NPFFR2: variants seen among roughly 807,000 people sequenced by gnomAD.
NPFFR2 encodes neuropeptide FF receptor 2.
A neutral mutation model predicts 13.1 loss-of-function variants in NPFFR2; 15 were observed. The ratio of observed to expected loss-of-function variants is 1.15; its 90% CI spans 0.77 to 1.76. NPFFR2 has a LOEUF of 1.76. NPFFR2 is among the 40% of genes most tolerant of loss of function. NPFFR2 has a pLI of 0.00. For synonymous variants in NPFFR2, 190 were observed against 175.7 expected, an observed-to-expected ratio of 1.08 and a Z score of -0.65; for missense variants, 572 against 503.5, an observed-to-expected ratio of 1.14 and a Z score of -1.30.
At chr4:72,140,814 T>C (rs1245297541) in intron 3 of NPFFR2, among the ~76,000 whole-genome samples, 1 of 152,186 alleles carries the variant, frequency 6.6e-6, no homozygotes, top group Non-Finnish European at 1.5e-5. Flanking sequence ...TTTCTATTGA[T>C]TGGAATAGTT....
intron 1 of NPFFR2, among the ~76,000 whole-genome samples, chr4:72,063,440 G>T (rs1719978939): frequency 6.6e-6 from 1 of 152,168 alleles, no homozygotes; most frequent in Non-Finnish European, 1.5e-5. Flanking sequence ...CAGCAGGGAA[G>T]TCAGCTTCTA....
chr4:72,096,005 T>C (rs1292250945), intron 1 of NPFFR2, among the ~76,000 whole-genome samples: 1 of 152,224 alleles, frequency 6.6e-6, no homozygotes, highest in Admixed American at 6.5e-5. Context: ...ATTATTTGTT[T>C]GTTTCAGGTG....
chr4:72,105,705 T>C (rs1055722598), intron 1 of NPFFR2, among the ~76,000 whole-genome samples: 1 of 152,026 alleles, frequency 6.6e-6, no homozygotes, highest in Non-Finnish European at 1.5e-5. Flanking sequence ...TGCTGTGAAC[T>C]TTGAAGAGAC....
chr4:72,144,291 C>G (rs545342962), intron 3 of NPFFR2, among the ~76,000 whole-genome samples: 216 of 152,256 alleles, frequency 1.4e-3, no homozygotes, highest in African/African-American at 4.9e-3. Context: ...TATGTCAGTT[C>G]AGGGCTCTGA....
intron 1 of NPFFR2, among the ~76,000 whole-genome samples, chr4:72,090,080 G>C (rs555458341): frequency 6.6e-6 from 1 of 152,130 alleles, no homozygotes; most frequent in South Asian, 2.1e-4. Context: ...TGAATAGGGT[G>C]TCCTTTCTCC....
intron 1 of NPFFR2, among the ~76,000 whole-genome samples, chr4:72,090,874 A>G (rs1307115461): frequency 6.6e-6 from 1 of 152,098 alleles, no homozygotes; most frequent in Non-Finnish European, 1.5e-5. Context: ...AGAAGTGGTG[A>G]AAGTGGGCAT....
At chr4:72,079,511 A>G (rs28494718) in intron 1 of NPFFR2, among the ~76,000 whole-genome samples, 728 of 152,344 alleles carry the variant, frequency 4.8e-3, no homozygotes, top group Middle Eastern at 0.014. Context: ...TAAACTCAAA[A>G]TAGATCAGAG....
chr4:72,056,370 T>G (rs1446071143), intron 1 of NPFFR2, among the ~76,000 whole-genome samples: 1 of 152,020 alleles, frequency 6.6e-6, no homozygotes, highest in Non-Finnish European at 1.5e-5. Flanking sequence ...CTCTATACTT[T>G]CAGCCCACTA....
intron 1 of NPFFR2, among the ~76,000 whole-genome samples, chr4:72,096,166 T>C (rs1358018207): frequency 6.6e-6 from 1 of 152,156 alleles, no homozygotes; most frequent in Admixed American, 6.6e-5. Flanking sequence ...GTCTGATAAA[T>C]GCCAGCAAAA....
At chr4:72,040,797 A>G (rs1358025064) in intron 1 of NPFFR2, among the ~76,000 whole-genome samples, 1 of 151,866 alleles carries the variant, frequency 6.6e-6, no homozygotes, top group African/African-American at 2.4e-5. Flanking sequence ...AAAATCAGGC[A>G]TGTTGTTCAA....
At chr4:72,093,733 C>T (rs1259553016) in intron 1 of NPFFR2, among the ~76,000 whole-genome samples, 2 of 151,130 alleles carry the variant, frequency 1.3e-5, no homozygotes, top group Non-Finnish European at 2.9e-5. Flanking sequence ...CCATTCACAT[C>T]CTGTATCATT....
intron 1 of NPFFR2, among the ~76,000 whole-genome samples, chr4:72,120,151 A>G (rs1721827391): frequency 6.6e-6 from 1 of 152,198 alleles, no homozygotes. Context: ...CCCAGTGTAA[A>G]CAAAGCCTCC....
At chr4:72,099,425 G>A (rs1721165927) in intron 1 of NPFFR2, among the ~76,000 whole-genome samples, 1 of 152,090 alleles carries the variant, frequency 6.6e-6, no homozygotes, top group Non-Finnish European at 1.5e-5. Context: ...AATTTATAAA[G>A]AAAAAAGATT....
At chr4:72,122,689 G>C (rs1446437177) in intron 1 of NPFFR2, among the ~76,000 whole-genome samples, 1 of 152,194 alleles carries the variant, frequency 6.6e-6, no homozygotes, top group African/African-American at 2.4e-5. Context: ...AAATAAGTAA[G>C]TTCTTTGAAA....
chr4:72,073,903 A>G (rs1434038386), intron 1 of NPFFR2, among the ~76,000 whole-genome samples: 1 of 152,032 alleles, frequency 6.6e-6, no homozygotes, highest in African/African-American at 2.4e-5. Context: ...AGAAAGGAAT[A>G]GAAATATTTC....
intron 1 of NPFFR2, among the ~76,000 whole-genome samples, chr4:72,055,961 T>C (rs958687047): frequency 1.3e-5 from 2 of 151,830 alleles, no homozygotes; most frequent in Non-Finnish European, 2.9e-5. Context: ...GTTCATGAGA[T>C]TCAAGGAAAA....
At chr4:72,085,287 TAGC>T (rs1384614952) in intron 1 of NPFFR2, among the ~76,000 whole-genome samples, 1 of 152,146 alleles carries the variant, frequency 6.6e-6, no homozygotes, top group Non-Finnish European at 1.5e-5. Flanking sequence ...TCTTATATAA[TAGC>T]AGTGTCAAAA....
rs751291330 is a variant in NPFFR2, at chr4:72,128,819, G to A, written c.228G>A (p.Met76Ile). 6.2e-7 allele frequency: 1 copy of A among 1,614,008 alleles called. No homozygotes were observed. Among genetic ancestry groups the A allele is most frequent in the Non-Finnish European group, 8.5e-7 (1 of 1,179,920 alleles). Reference protein sequence around the residue: ...VCFIVMRNKHMHTVTNLFILN... With the variant: ...VCFIVMRNKHIHTVTNLFILN... ...TTATTGTAATGAGGAACAAACATAT[G>A]CACACAGTCACTAATCTCTTCATCT... The change falls in exon 2 of 4, where the codon ATG becomes ATA. Residue 76 changes from methionine (M) to isoleucine (I), a missense_variant. Met to Ile is a conservative substitution (Grantham distance 10). Transcript: ENST00000308744.
At chr4:72,038,124 C>T (rs1370806941) in intron 1 of NPFFR2, among the ~76,000 whole-genome samples, 3 of 152,092 alleles carry the variant, frequency 2.0e-5, no homozygotes, top group Admixed American at 6.5e-5. Flanking sequence ...AACTTTTGCA[C>T]GTGATGCTCT....
Sources: allele counts gnomAD v4.1 joint callset (sites outside exome capture counted in the v4.1 genomes callset), GRCh38; gene constraint gnomAD v4.1.1; transcripts MANE v1.5; gene names NCBI Gene and HGNC (gene_info 2026-07-23, HGNC 2026-07-21).